The following GLMN variants were observed in gnomAD, a reference collection of about 807,000 sequenced individuals.
GLMN encodes glomulin, FKBP associated protein.
Under a neutral mutation model 87.8 loss-of-function variants are expected in GLMN, and 75 were observed. The observed-to-expected ratio is 0.85, with a 90% CI of 0.71 to 1.04. The LOEUF (loss-of-function observed/expected upper bound fraction) is 1.04. Among genes scored for constraint, GLMN ranks in the 50% least tolerant of loss-of-function variants. The pLI is 0.00. For synonymous variants in GLMN, 206 were observed against 221.6 expected, an observed-to-expected ratio of 0.93 and a Z score of 0.63; for missense variants, 588 against 658.8, an observed-to-expected ratio of 0.89 and a Z score of 1.18.
intron 9 of GLMN, among the ~76,000 whole-genome samples, chr1:92,268,847 G>C (rs755460399): frequency 6.6e-6 from 1 of 151,662 alleles, no homozygotes; most frequent in Non-Finnish European, 1.5e-5. Context: ...AGAAAACAAA[G>C]CATATAGTTC....
At chr1:92,296,666 C>T (rs530656610) in intron 3 of GLMN, among the ~76,000 whole-genome samples, 3 of 152,294 alleles carry the variant, frequency 2.0e-5, no homozygotes, top group African/African-American at 7.2e-5. Context: ...CAAAATTTGG[C>T]AGGATGTTGC....
At chr1:92,319,361 C>G in the GLMN span, among the ~76,000 whole-genome samples, 9 of 152,210 alleles carry the variant, frequency 5.9e-5, no homozygotes, top group Non-Finnish European at 1.2e-4. Flanking sequence ...TGCTTATTCT[C>G]TCTGTACTCA....
chr1:92,285,976 T>C (rs1648700443), intron 7 of GLMN, among the ~76,000 whole-genome samples: 1 of 152,114 alleles, frequency 6.6e-6, no homozygotes, highest in South Asian at 2.1e-4. Flanking sequence ...ATTTCCACTC[T>C]AGGAGTTTTA....
the GLMN span, among the ~76,000 whole-genome samples, chr1:92,313,081 G>T: frequency 6.6e-6 from 1 of 152,140 alleles, no homozygotes; most frequent in Non-Finnish European, 1.5e-5. Flanking sequence ...TGGCCAGGCT[G>T]GTCTCGAACT....
At chr1:92,331,443 A>G in the GLMN span, among the ~76,000 whole-genome samples, 1 of 152,110 alleles carries the variant, frequency 6.6e-6, no homozygotes, top group Admixed American at 6.5e-5. Context: ...TTTTGCATTG[A>G]ATCATTATTC....
At chr1:92,356,454 A>G in the GLMN span, among the ~76,000 whole-genome samples, 4 of 151,648 alleles carry the variant, frequency 2.6e-5, no homozygotes, top group Non-Finnish European at 5.9e-5. Context: ...ATCTCTCTCT[A>G]TCACCCAGGC....
intron 3 of GLMN, 50 bp from the exon 4 acceptor site, chr1:92,291,587 T>A: frequency 6.3e-7 from 1 of 1,589,388 alleles, no homozygotes; most frequent in Non-Finnish European, 8.6e-7. Flanking sequence ...TATAGGACTC[T>A]CGCAGTGTGC....
chr1:92,358,414 CTT>C, the GLMN span, among the ~76,000 whole-genome samples: 2,113 of 152,262 alleles, frequency 0.014, 46 homozygotes, highest in African/African-American at 0.047. Context: ...CCTCACGAAA[CTT>C]TCCCTGACTT....
At chr1:92,308,714 C>CTT in the GLMN span, among the ~76,000 whole-genome samples, 1 of 152,182 alleles carries the variant, frequency 6.6e-6, no homozygotes, top group African/African-American at 2.4e-5. Context: ...AATCCCAACA[C>CTT]TTTGAGAAGC....
At chr1:92,261,732 A>C (rs938314239) in intron 16 of GLMN, among the ~76,000 whole-genome samples, 1 of 151,870 alleles carries the variant, frequency 6.6e-6, no homozygotes, top group African/African-American at 2.4e-5. Flanking sequence ...CAAATATTTA[A>C]TCAATGTAAT....
the GLMN span, among the ~76,000 whole-genome samples, chr1:92,364,535 A>T: frequency 6.6e-6 from 1 of 152,144 alleles, no homozygotes; most frequent in Non-Finnish European, 1.5e-5. Context: ...TCATTTGGAT[A>T]TCTCCCAAGC....
the GLMN span, among the ~76,000 whole-genome samples, chr1:92,362,771 T>TA: frequency 6.6e-6 from 1 of 152,190 alleles, no homozygotes; most frequent in Non-Finnish European, 1.5e-5. Context: ...TAATGTTTTT[T>TA]ATCACTTACA....
chr1:92,307,038 AG>A, the GLMN span: 7 of 587,380 alleles, frequency 1.2e-5, no homozygotes, highest in Admixed American at 2.4e-4. Flanking sequence ...AGGCCTTCAA[AG>A]GTTCAGTATC....
the GLMN span, among the ~76,000 whole-genome samples, chr1:92,339,894 G>A: frequency 1.7e-4 from 26 of 151,982 alleles, no homozygotes; most frequent in Admixed American, 1.7e-3. Flanking sequence ...TTAAAGACTT[G>A]ATTATATGAC....
chr1:92,367,342 C>A, the GLMN span, among the ~76,000 whole-genome samples: 1 of 152,188 alleles, frequency 6.6e-6, no homozygotes, highest in Non-Finnish European at 1.5e-5. Flanking sequence ...CTATCCCAGA[C>A]GGCTTTTGCG....
At chr1:92,330,448 T>C in the GLMN span, among the ~76,000 whole-genome samples, 1 of 137,746 alleles carries the variant, frequency 7.3e-6, no homozygotes, top group Admixed American at 7.2e-5. Flanking sequence ...AATTTTTTTT[T>C]TTTTTTTTTT....
chr1:92,251,304 TAG>T (rs1653458472), intron 16 of GLMN, among the ~76,000 whole-genome samples: 1 of 152,110 alleles, frequency 6.6e-6, no homozygotes, highest in South Asian at 2.1e-4. Flanking sequence ...AGTCCAAAAA[TAG>T]ACCCATACTT....
At chr1:92,353,163 A>AT in the GLMN span, among the ~76,000 whole-genome samples, 2 of 152,234 alleles carry the variant, frequency 1.3e-5, no homozygotes, top group South Asian at 2.1e-4. Flanking sequence ...TCATGTACAG[A>AT]TTTTTTTGTG....
chr1:92,357,122 A>ACACACAC, the GLMN span, among the ~76,000 whole-genome samples: 1 of 139,576 alleles, frequency 7.2e-6, no homozygotes, highest in South Asian at 2.4e-4. Flanking sequence ...CACACACACA[A>ACACACAC]ACAGATGTTT....
Sources: gnomAD v4.1 joint callset for allele counts (sites outside exome capture counted in the v4.1 genomes callset) on GRCh38, gnomAD v4.1.1 for gene constraint, MANE v1.5 for transcripts, NCBI Gene and HGNC (gene_info 2026-07-23, HGNC 2026-07-21) for gene names.